ADAMTS17: variants seen among roughly 807,000 people sequenced by gnomAD.
ADAMTS17 encodes the protein ADAM metallopeptidase with thrombospondin type 1 motif 17, also known as A disintegrin and metalloproteinase with thrombospondin motifs 17.
A neutral mutation model predicts 141.5 loss-of-function variants in ADAMTS17; 113 were observed. The observed-to-expected ratio is 0.80, with a 90% confidence interval of 0.69 to 0.93. The LOEUF (loss-of-function observed/expected upper bound fraction) is 0.93. Among genes scored for constraint, ADAMTS17 ranks in the 40% least tolerant of loss-of-function variants. The pLI, the probability that ADAMTS17 is intolerant of heterozygous loss-of-function variation, is 0.00. For synonymous variants in ADAMTS17, 768 were observed against 630.6 expected, an observed-to-expected ratio of 1.22 and a Z score of -3.27; for missense variants, 1,659 against 1,517.9, an observed-to-expected ratio of 1.09 and a Z score of -1.54.
chr15:100,271,533 C>T (rs1043020647), intron 4 of ADAMTS17, among the ~76,000 whole-genome samples: 5 of 125,618 alleles, frequency 4.0e-5, no homozygotes, highest in African/African-American at 1.5e-4. Context: ...ATTTGTACAT[C>T]TTCTTCGTAA....
At chr15:100,207,644 A>T (rs1393534656) in intron 7 of ADAMTS17, among the ~76,000 whole-genome samples, 1 of 152,232 alleles carries the variant, frequency 6.6e-6, no homozygotes, top group African/African-American at 2.4e-5. Context: ...GGTAGAGAAG[A>T]ATAAAAAATA....
At chr15:100,329,602 T>G (rs2045990263) in intron 3 of ADAMTS17, among the ~76,000 whole-genome samples, 1 of 151,456 alleles carries the variant, frequency 6.6e-6, no homozygotes, top group Admixed American at 6.6e-5. Context: ...TGTTTCCTAT[T>G]AAAAGGTATT....
intron 18 of ADAMTS17, among the ~76,000 whole-genome samples, chr15:100,008,350 G>A (rs7162688): frequency 0.012 from 1,786 of 152,288 alleles, 29 homozygotes; most frequent in African/African-American, 0.036. Context: ...GTGACCAAGA[G>A]GTAGAAGCAG....
chr15:100,163,643 G>A (rs986592020), intron 8 of ADAMTS17, among the ~76,000 whole-genome samples: 17 of 152,150 alleles, frequency 1.1e-4, no homozygotes, highest in Non-Finnish European at 1.5e-4. Context: ...ACGCCACCAC[G>A]CTTGGCTAGT....
intron 3 of ADAMTS17, among the ~76,000 whole-genome samples, chr15:100,307,270 C>T (rs777767631): frequency 1.3e-5 from 2 of 152,144 alleles, no homozygotes; most frequent in Non-Finnish European, 2.9e-5. Context: ...GGGCTGGGCA[C>T]GTGACCCAAG....
At chr15:100,238,860 A>G (rs2042740303) in intron 7 of ADAMTS17, among the ~76,000 whole-genome samples, 1 of 152,208 alleles carries the variant, frequency 6.6e-6, no homozygotes, top group African/African-American at 2.4e-5. Context: ...CCAGGAGGGC[A>G]GAATACTTGA....
intron 14 of ADAMTS17, among the ~76,000 whole-genome samples, chr15:100,097,399 T>C (rs1213350596): frequency 2.0e-5 from 3 of 152,178 alleles, no homozygotes; most frequent in Non-Finnish European, 4.4e-5. Flanking sequence ...GAAATCAAGA[T>C]GCAAGATAAT....
intron 7 of ADAMTS17, among the ~76,000 whole-genome samples, chr15:100,212,561 C>T (rs1432877085): frequency 5.3e-5 from 8 of 151,928 alleles, no homozygotes; most frequent in African/African-American, 1.9e-4. Flanking sequence ...AAACACTAAA[C>T]ACAGGAATCC....
intron 3 of ADAMTS17, among the ~76,000 whole-genome samples, chr15:100,304,390 G>A (rs892849487): frequency 3.9e-5 from 6 of 152,020 alleles, no homozygotes; most frequent in Admixed American, 1.3e-4. Flanking sequence ...CTTATAATTC[G>A]CAAATTTTGC....
intron 18 of ADAMTS17, among the ~76,000 whole-genome samples, chr15:100,026,346 G>A (rs1006699): frequency 0.11 from 16,388 of 152,188 alleles, 2,322 homozygotes; most frequent in African/African-American, 0.33. Flanking sequence ...GCACTGTGCT[G>A]AACATTCTTG....
intron 18 of ADAMTS17, among the ~76,000 whole-genome samples, chr15:100,027,144 A>G (rs918975431): frequency 6.6e-6 from 1 of 152,148 alleles, no homozygotes; most frequent in Non-Finnish European, 1.5e-5. Context: ...TCTCTTTCCT[A>G]ATCTTTTACT....
intron 12 of ADAMTS17, chr15:100,129,716 C>G (rs944053803): frequency 1.3e-5 from 2 of 151,540 alleles, no homozygotes; most frequent in African/African-American, 4.9e-5. Flanking sequence ...GCACTACAGC[C>G]TGGGCAACAA....
chr15:100,162,869 T>A (rs1158251697), intron 8 of ADAMTS17, among the ~76,000 whole-genome samples: 3 of 142,112 alleles, frequency 2.1e-5, no homozygotes, highest in African/African-American at 7.6e-5. Context: ...TGTATATATA[T>A]AACTATATGT....
chr15:100,331,256 T>C (rs1247265052), intron 2 of ADAMTS17, among the ~76,000 whole-genome samples: 5 of 152,032 alleles, frequency 3.3e-5, no homozygotes, highest in African/African-American at 4.8e-5. Flanking sequence ...AGCAGCTGCG[T>C]TGGGGGTAGG....
intron 4 of ADAMTS17, among the ~76,000 whole-genome samples, chr15:100,279,880 G>T (rs565076399): frequency 6.6e-6 from 1 of 152,172 alleles, no homozygotes; most frequent in Admixed American, 6.5e-5. Context: ...TCCTCATCAA[G>T]CATCTACAGA....
chr15:100,033,323 T>C (rs1290097530), intron 18 of ADAMTS17, among the ~76,000 whole-genome samples: 2 of 152,240 alleles, frequency 1.3e-5, no homozygotes, highest in African/African-American at 4.8e-5. Flanking sequence ...AAAACTCTCA[T>C]GCTTTGAGAA....
intron 14 of ADAMTS17, among the ~76,000 whole-genome samples, chr15:100,106,038 G>A (rs545114657): frequency 8.6e-5 from 13 of 151,594 alleles, no homozygotes; most frequent in Admixed American, 4.6e-4. Context: ...ACTCTGTCAC[G>A]TAGGCTGGAG....
At chr15:100,277,208 T>C (rs896009554) in intron 4 of ADAMTS17, among the ~76,000 whole-genome samples, 8 of 152,132 alleles carry the variant, frequency 5.3e-5, no homozygotes, top group Non-Finnish European at 1.2e-4. Context: ...ACTTCACGTG[T>C]TAGCCCCGGG....
intron 18 of ADAMTS17, among the ~76,000 whole-genome samples, chr15:100,048,045 G>A (rs993225078): frequency 1.3e-5 from 2 of 152,124 alleles, no homozygotes. Context: ...GGGGGTCGGT[G>A]CAAAAGCCAA....
Sources: gnomAD v4.1 joint callset for allele counts (sites outside exome capture counted in the v4.1 genomes callset) on GRCh38, gnomAD v4.1.1 for gene constraint, MANE v1.5 for transcripts, NCBI Gene and HGNC (gene_info 2026-07-23, HGNC 2026-07-21) for gene names.